PIGL: variants seen among roughly 807,000 people sequenced by gnomAD.
The protein encoded by PIGL is N-acetylglucosaminyl-phosphatidylinositol de-N-acetylase.
Under a neutral mutation model 31.1 loss-of-function variants are expected in PIGL, and 22 were observed. The observed-to-expected ratio is 0.71, with a 90% confidence interval of 0.51 to 1.01. The LOEUF is 1.01. Ranked by LOEUF, PIGL falls within the 50% of genes least tolerant of loss-of-function variation. The pLI is 0.00. For synonymous variants in PIGL, 131 were observed against 117.4 expected, an observed-to-expected ratio of 1.12 and a Z score of -0.75; for missense variants, 302 against 315.9, an observed-to-expected ratio of 0.96 and a Z score of 0.33.
At chr17:16,227,212 G>A (rs552999794) in intron 1 of PIGL, among the ~76,000 whole-genome samples, 1 of 151,888 alleles carries the variant, frequency 6.6e-6, no homozygotes, top group South Asian at 2.1e-4. Context: ...GGGTTCAAGT[G>A]ACTCTCCTGC....
At chr17:16,274,687 C>G (rs2092886656) in intron 2 of PIGL, among the ~76,000 whole-genome samples, 1 of 151,010 alleles carries the variant, frequency 6.6e-6, no homozygotes, top group Non-Finnish European at 1.5e-5. Flanking sequence ...AGCCCCATGG[C>G]ACTCTAGCCT....
At chr17:16,246,718 G>T (rs145604043) in intron 2 of PIGL, among the ~76,000 whole-genome samples, 1 of 108,920 alleles carries the variant, frequency 9.2e-6, no homozygotes, top group East Asian at 2.5e-4. Flanking sequence ...TCGCTCTGTC[G>T]CCCAGGCCGG....
intron 2 of PIGL, among the ~76,000 whole-genome samples, chr17:16,246,670 G>GTTTTTTTTTTTTT (rs1284256034): frequency 6.5e-4 from 69 of 106,506 alleles, no homozygotes; most frequent in Non-Finnish European, 1.1e-3. Flanking sequence ...CCAGATCAAG[G>GTTTTTTTTTTTTT]TCTTTTTTTT....
At chr17:16,247,507 G>T (rs749130478) in intron 2 of PIGL, among the ~76,000 whole-genome samples, 1 of 152,154 alleles carries the variant, frequency 6.6e-6, no homozygotes, top group Non-Finnish European at 1.5e-5. Flanking sequence ...TGGGTGACAG[G>T]CCCCAGGCAA....
intron 2 of PIGL, among the ~76,000 whole-genome samples, chr17:16,246,156 A>G (rs2092745894): frequency 6.6e-6 from 1 of 151,602 alleles, no homozygotes. Context: ...TCACATGAAG[A>G]CCATGTAGCT....
At chr17:16,242,986 G>A (rs115845128) in intron 2 of PIGL, among the ~76,000 whole-genome samples, 3,275 of 152,142 alleles carry the variant, frequency 0.022, 84 homozygotes, top group East Asian at 0.05. Flanking sequence ...AACTTTATCC[G>A]TATTTATGAT....
chr17:16,222,580 GT>G (rs2092634291), intron 1 of PIGL, among the ~76,000 whole-genome samples: 1 of 152,040 alleles, frequency 6.6e-6, no homozygotes, highest in Non-Finnish European at 1.5e-5. Context: ...GGACCCTGTG[GT>G]TTTTCTCTGT....
intron 4 of PIGL, among the ~76,000 whole-genome samples, chr17:16,313,915 G>A (rs1015873410): frequency 6.6e-6 from 1 of 152,160 alleles, no homozygotes; most frequent in African/African-American, 2.4e-5. Flanking sequence ...GCCACAGGAA[G>A]CTTGAGGGCC....
At chr17:16,322,304 A>G (rs1033063465) in intron 6 of PIGL, among the ~76,000 whole-genome samples, 1 of 151,632 alleles carries the variant, frequency 6.6e-6, no homozygotes, top group African/African-American at 2.4e-5. Context: ...ATGTTTGGCC[A>G]GGCCAGTCTC....
intron 2 of PIGL, among the ~76,000 whole-genome samples, chr17:16,291,551 C>T (rs1251007692): frequency 6.9e-6 from 1 of 144,512 alleles, no homozygotes; most frequent in Non-Finnish European, 1.5e-5. Flanking sequence ...ATGGATTTTT[C>T]AGGGAGCTTA....
At chr17:16,221,781 A>C (rs1000643273) in intron 1 of PIGL, among the ~76,000 whole-genome samples, 1 of 152,060 alleles carries the variant, frequency 6.6e-6, no homozygotes, top group African/African-American at 2.4e-5. Flanking sequence ...CACTATGCCC[A>C]GCTAATTTTT....
At chr17:16,217,635 TGGGTTGGGGG>T in intron 1 of PIGL, 174 bp downstream of exon 1, 8 of 530,072 alleles carry the variant, frequency 1.5e-5, no homozygotes, top group Admixed American at 7.1e-5. Context: ...GCTTACCTGG[TGGGTTGGGGG>T]ACGTCGGCAG....
chr17:16,258,154 AG>A (rs1451719702), intron 2 of PIGL, among the ~76,000 whole-genome samples: 2 of 147,098 alleles, frequency 1.4e-5, no homozygotes, highest in Admixed American at 7.0e-5. Flanking sequence ...AGAGAGAGAG[AG>A]AGAAAACTCG....
At chr17:16,258,094 AGAGAGAG>A (rs1318210520) in intron 2 of PIGL, among the ~76,000 whole-genome samples, 1 of 130,674 alleles carries the variant, frequency 7.7e-6, no homozygotes, top group East Asian at 2.2e-4. Flanking sequence ...AGAGAGAGAG[AGAGAGAG>A]AAAGAGAGAG....
intron 5 of PIGL, 172 bp from the exon 6 acceptor site, chr17:16,317,603 A>C (rs1443441146): frequency 1.4e-6 from 2 of 1,421,188 alleles, no homozygotes; most frequent in African/African-American, 2.8e-5. Context: ...TACTCGTTCT[A>C]GCTGCAAGAA....
Position 16,312,126 on chromosome 17 carries a change from G to A in PIGL, c.427-1421G>A, listed in dbSNP as rs1260936127. On this transcript the variant is annotated intron_variant, in intron 3 of 6. Transcript: ENST00000225609. The stretch of plus-strand genomic sequence containing the variant: ...CCTCCCGGAGGGGGCGGCTGGCCGG[G>A]CGGGGGCTGCCCGCAGCCCCCCACC... 4.1e-5 allele frequency among the ~76,000 whole-genome samples: 6 copies of A among 146,164 alleles called. No homozygotes were observed. In the South Asian group the frequency reaches 6.3e-4, roughly 15 times the overall value.
intron 2 of PIGL, among the ~76,000 whole-genome samples, chr17:16,251,678 G>A (rs2092772603): frequency 6.6e-6 from 1 of 150,614 alleles, no homozygotes; most frequent in Admixed American, 6.7e-5. Flanking sequence ...TTAACATCTA[G>A]TATGATGTTA....
Position 16,241,404 on chromosome 17 carries a change from C to T in PIGL, c.335+7334C>T, listed in dbSNP as rs1251926335. 5.3e-5 allele frequency among the ~76,000 whole-genome samples: 8 copies of T among 151,702 alleles called. No homozygotes were observed. In the East Asian group the frequency reaches 9.8e-4, roughly 19 times the overall value. Reference sequence around the variant, plus strand: ...AGGAGTTTGAGACCAGCCTGACCAACGTGGAGAAACCCCATCTCTACTAAA... The same window carrying T: ...AGGAGTTTGAGACCAGCCTGACCAATGTGGAGAAACCCCATCTCTACTAAA... On this transcript the variant is annotated intron_variant, in intron 2 of 6. Transcript: ENST00000225609.
chr17:16,326,187 G>A lies in PIGL; in HGVS notation c.*289G>A, dbSNP rs1600876264. The A allele has an allele frequency of 1.3e-5, 5 of 386,810 alleles. No individual in the cohort carries two copies. In the South Asian group the frequency reaches 1.9e-4, roughly 14 times the overall value. The allele number at this position is 386,810 out of a possible 1,614,324, so 24.0% of individuals were successfully genotyped here. On this transcript the variant is annotated 3_prime_UTR_variant, in exon 7 of 7. Coordinates refer to ENST00000225609, the MANE Select transcript of PIGL (RefSeq NM_004278.4). ...TTTACATAATGACACAGTAGATGTG[G>A]AACACCTAGCCCAGTGCCTGGGCAG...
Sources: allele counts gnomAD v4.1 joint callset (sites outside exome capture counted in the v4.1 genomes callset), GRCh38; gene constraint gnomAD v4.1.1; transcripts MANE v1.5; gene names NCBI Gene and HGNC (gene_info 2026-07-23, HGNC 2026-07-21).